VRK2: variants seen among roughly 807,000 people sequenced by gnomAD.
VRK2 encodes VRK serine/threonine kinase 2, also known as serine/threonine-protein kinase VRK2.
In VRK2, 60 loss-of-function variants were observed where a neutral mutation model predicts 57.6. The observed-to-expected ratio is 1.04, with a 90% CI of 0.85 to 1.29. VRK2 has a LOEUF of 1.29. VRK2 is among the 50% of genes most tolerant of loss of function. The pLI is 0.00. For missense variants in VRK2, 705 were observed against 588.1 expected (o/e 1.20, Z -2.06); for synonymous variants, 231 against 199.2 (o/e 1.16, Z -1.35).
chr2:58,107,298 C>T (rs928611110), intron 7 of VRK2, among the ~76,000 whole-genome samples: 5 of 151,890 alleles, frequency 3.3e-5, no homozygotes, highest in Admixed American at 3.3e-4. Flanking sequence ...GATTGAAGAC[C>T]TTTTATTTTT....
intron 1 of VRK2, among the ~76,000 whole-genome samples, chr2:58,008,705 C>G (rs1443889311): frequency 6.6e-6 from 1 of 151,908 alleles, no homozygotes; most frequent in African/African-American, 2.4e-5. Context: ...GGATATTATA[C>G]AGAAAGTGAG....
chr2:58,000,568 CTATT>C (rs913029399), intron 1 of VRK2, among the ~76,000 whole-genome samples: 1 of 152,076 alleles, frequency 6.6e-6, no homozygotes, highest in African/African-American at 2.4e-5. Flanking sequence ...TAGGATTTCA[CTATT>C]TATTTATTCA....
chr2:58,147,022 A>G (rs1445772800), intron 12 of VRK2: 1 of 361,164 alleles, frequency 2.8e-6, no homozygotes, highest in Non-Finnish European at 5.6e-6. Context: ...AAAATATTTA[A>G]TTTTGTCAAA....
intron 7 of VRK2, among the ~76,000 whole-genome samples, chr2:58,111,554 C>A (rs1179675250): frequency 6.6e-6 from 1 of 152,016 alleles, no homozygotes; most frequent in Non-Finnish European, 1.5e-5. Context: ...GAGTTCAAGA[C>A]CAGCCCAGGC....
intron 7 of VRK2, among the ~76,000 whole-genome samples, chr2:58,097,307 T>C (rs1457169327): frequency 6.6e-6 from 1 of 151,168 alleles, no homozygotes; most frequent in Non-Finnish European, 1.5e-5. Flanking sequence ...TCTCCTATAG[T>C]TTTTTTTTAA....
chr2:58,079,376 C>T (rs182601676), intron 2 of VRK2, among the ~76,000 whole-genome samples: 4 of 152,196 alleles, frequency 2.6e-5, no homozygotes, highest in African/African-American at 7.2e-5. Context: ...TGCTTTTAAT[C>T]ATCCATTTGC....
At chr2:57,981,501 T>C (rs950973459) in intron 1 of VRK2, among the ~76,000 whole-genome samples, 1 of 152,228 alleles carries the variant, frequency 6.6e-6, no homozygotes, top group Non-Finnish European at 1.5e-5. Flanking sequence ...GAGAATCTGA[T>C]GATTATGTGT....
rs763895082 is a variant in VRK2 at position 58,084,937 on chromosome 2, A to C, written c.243A>C (p.Ala81=). 2 of 1,583,662 alleles carry C rather than the reference A, an allele frequency of 1.3e-6. No homozygotes were observed. Among genetic ancestry groups the C allele is most frequent in the South Asian group, 1.2e-5 (1 of 85,438 alleles). The change falls in exon 4 of 13, where the codon GCA becomes GCC. Residue 81 remains alanine (A), a synonymous_variant. Coordinates refer to ENST00000340157, the MANE Select transcript of VRK2 (RefSeq NM_006296.7). ...AACTTAAATTTTATCAGAGAGTTGC[A>C]AAAAAAGACTGTAGTAAGTAAAATT... is the stretch of plus-strand genomic sequence containing the variant. ...FSELKFYQRV[A]KKDCIKKWIE... is the part of the protein sequence containing the mutation.
intron 1 of VRK2, among the ~76,000 whole-genome samples, chr2:58,009,473 A>G (rs1287813582): frequency 4.0e-5 from 6 of 150,834 alleles, no homozygotes; most frequent in Non-Finnish European, 1.5e-5. Flanking sequence ...GTAAATTTTA[A>G]TAAAGGTTGA....
At chr2:58,073,878 A>C (rs184612909) in intron 2 of VRK2, among the ~76,000 whole-genome samples, 26 of 152,024 alleles carry the variant, frequency 1.7e-4, no homozygotes, top group African/African-American at 5.3e-4. Flanking sequence ...TAATCTTTTC[A>C]CATTCTTCTG....
chr2:58,140,631 G>T (rs1681196276), intron 11 of VRK2, among the ~76,000 whole-genome samples: 2 of 151,982 alleles, frequency 1.3e-5, no homozygotes, highest in Non-Finnish European at 2.9e-5. Flanking sequence ...AAGAATGCGG[G>T]ATGCAAACTA....
At chr2:58,047,367 C>T (rs994786169) in intron 1 of VRK2, 1 of 955,644 alleles carries the variant, frequency 1.0e-6, no homozygotes, top group African/African-American at 1.8e-5. Context: ...CTCATCTTAG[C>T]CCTGGGAAGG....
chr2:57,953,293 T>A (rs1391466177), intron 1 of VRK2, among the ~76,000 whole-genome samples: 1 of 152,230 alleles, frequency 6.6e-6, no homozygotes, highest in Non-Finnish European at 1.5e-5. Flanking sequence ...AATGCACTTT[T>A]TCTGCATCTA....
chr2:58,059,716 C>T (rs1321533500), intron 2 of VRK2, among the ~76,000 whole-genome samples: 1 of 151,618 alleles, frequency 6.6e-6, no homozygotes, highest in Non-Finnish European at 1.5e-5. Context: ...AGGGTGATTT[C>T]ATGAAAAAGT....
intron 1 of VRK2, among the ~76,000 whole-genome samples, chr2:57,923,739 C>A (rs147938208): frequency 6.6e-6 from 1 of 151,872 alleles, no homozygotes; most frequent in Non-Finnish European, 1.5e-5. Flanking sequence ...TAGTTGTGAT[C>A]CCGTTTATCC....
intron 7 of VRK2, among the ~76,000 whole-genome samples, chr2:58,120,434 G>A (rs537345149): frequency 4.0e-5 from 6 of 151,544 alleles, no homozygotes; most frequent in Non-Finnish European, 8.8e-5. Flanking sequence ...CAAGTGATCT[G>A]CCTACCTTGG....
chr2:58,119,187 C>T (rs1354636933), intron 7 of VRK2, among the ~76,000 whole-genome samples: 1 of 151,874 alleles, frequency 6.6e-6, no homozygotes, highest in African/African-American at 2.4e-5. Flanking sequence ...ATTTCTGAGG[C>T]CTTTCAGTTT....
At chr2:58,147,096 A>T (rs1318915071) in intron 12 of VRK2, 3 of 498,792 alleles carry the variant, frequency 6.0e-6, no homozygotes, top group Non-Finnish European at 1.2e-5. Context: ...GGTAGTTTAC[A>T]GTATGAAACA....
upstream of VRK2, chr2:58,046,547 T>C: frequency 2.0e-6 from 2 of 985,648 alleles, no homozygotes; most frequent in South Asian, 4.7e-5. Flanking sequence ...CGGCGGTTCT[T>C]CGTCCAGACG....
Sources: gnomAD v4.1 joint callset for allele counts (sites outside exome capture counted in the v4.1 genomes callset) on GRCh38, gnomAD v4.1.1 for gene constraint, MANE v1.5 for transcripts, NCBI Gene and HGNC (gene_info 2026-07-23, HGNC 2026-07-21) for gene names.